The following SLC8A1 variants were observed in gnomAD, a reference collection of about 807,000 sequenced individuals.
The protein encoded by SLC8A1 is sodium/calcium exchanger 1.
A neutral mutation model predicts 68.3 loss-of-function variants in SLC8A1; 18 were observed. That is an observed-to-expected ratio of 0.26 (90% confidence interval 0.18 to 0.39). The LOEUF (loss-of-function observed/expected upper bound fraction) is 0.39, where lower values mean the gene tolerates loss of function less well. Ranked by LOEUF, SLC8A1 falls within the 10% of genes least tolerant of loss-of-function variation. SLC8A1 has a pLI of 1.00. For missense variants in SLC8A1, 985 were observed against 1,156.7 expected, an observed-to-expected ratio of 0.85 and a Z score of 2.15; for synonymous variants, 475 against 415.5, an observed-to-expected ratio of 1.14 and a Z score of -1.74.
At chr2:40,111,849 G>GATGTAATAC (rs1476004721) in exon 8 of SLC8A1, 3 of 152,146 alleles carry the variant, frequency 2.0e-5, no homozygotes, top group African/African-American at 7.2e-5. Context: ...CGACTGATTT[G>GATGTAATAC]ATGTAATACT....
intron 2 of SLC8A1, among the ~76,000 whole-genome samples, chr2:40,367,823 C>T (rs936626268): frequency 5.3e-5 from 8 of 152,058 alleles, no homozygotes; most frequent in South Asian, 2.1e-4. Flanking sequence ...TTCACAGCCA[C>T]GTAACACCAC....
At chr2:40,400,030 G>C (rs925870286) in intron 2 of SLC8A1, among the ~76,000 whole-genome samples, 5 of 152,108 alleles carry the variant, frequency 3.3e-5, no homozygotes, top group African/African-American at 1.2e-4. Context: ...GTTTTGTTCT[G>C]ATCTAATTAA....
intron 2 of SLC8A1, among the ~76,000 whole-genome samples, chr2:40,399,399 C>G (rs1260461955): frequency 6.6e-6 from 1 of 152,022 alleles, no homozygotes; most frequent in Non-Finnish European, 1.5e-5. Flanking sequence ...AAACAACACG[C>G]CAGGTAGATT....
intron 2 of SLC8A1, among the ~76,000 whole-genome samples, chr2:40,293,843 A>G (rs1011214406): frequency 1.3e-5 from 2 of 150,860 alleles, no homozygotes; most frequent in Non-Finnish European, 2.9e-5. Context: ...GTCATAAAAA[A>G]CAAAAAAAAT....
chr2:40,279,335 A>G (rs1192602010), intron 2 of SLC8A1, among the ~76,000 whole-genome samples: 1 of 152,250 alleles, frequency 6.6e-6, no homozygotes, highest in Non-Finnish European at 1.5e-5. Flanking sequence ...GCAATAATCT[A>G]TAATACAGAT....
At chr2:40,324,413 GC>G (rs1385099952) in intron 2 of SLC8A1, among the ~76,000 whole-genome samples, 3 of 152,116 alleles carry the variant, frequency 2.0e-5, no homozygotes, top group African/African-American at 7.2e-5. Flanking sequence ...AACCAACATG[GC>G]AAGATTATTT....
chr2:40,424,165 T>C (rs1375491981), intron 2 of SLC8A1, among the ~76,000 whole-genome samples: 1 of 151,930 alleles, frequency 6.6e-6, no homozygotes, highest in Non-Finnish European at 1.5e-5. Context: ...CTTTCTTGTC[T>C]TGTGATATTT....
chr2:40,130,224 C>T (rs977433133), intron 7 of SLC8A1, among the ~76,000 whole-genome samples: 12 of 152,230 alleles, frequency 7.9e-5, no homozygotes, highest in Admixed American at 3.9e-4. Flanking sequence ...CGGCTGCATG[C>T]GGCCTATTCC....
intron 1 of SLC8A1, among the ~76,000 whole-genome samples, chr2:40,491,948 C>T (rs1330008356): frequency 6.6e-5 from 10 of 152,078 alleles, no homozygotes; most frequent in African/African-American, 1.4e-4. Context: ...AATGCCATCC[C>T]CATCAAGCTA....
At chr2:40,112,697 A>C (rs1349396022) in exon 8 of SLC8A1, 11 of 152,496 alleles carry the variant, frequency 7.2e-5, no homozygotes, top group African/African-American at 2.4e-4. Flanking sequence ...ATGGGTTAGA[A>C]TGACAAAGAA....
chr2:40,204,588 C>T (rs1175398765), intron 2 of SLC8A1, among the ~76,000 whole-genome samples: 2 of 151,960 alleles, frequency 1.3e-5, no homozygotes, highest in South Asian at 2.1e-4. Flanking sequence ...ATGACTCTAT[C>T]CCTTTGGCGG....
chr2:40,337,937 G>C (rs577860980), intron 2 of SLC8A1, among the ~76,000 whole-genome samples: 1 of 152,112 alleles, frequency 6.6e-6, no homozygotes. Flanking sequence ...GTCATTTTGA[G>C]GTGTGAATAT....
At chr2:40,320,850 A>G (rs1370822953) in intron 2 of SLC8A1, among the ~76,000 whole-genome samples, 2 of 152,170 alleles carry the variant, frequency 1.3e-5, no homozygotes, top group Non-Finnish European at 2.9e-5. Context: ...CTTTCCTTGT[A>G]GCCTCAGAAC....
At chr2:40,438,448 A>G (rs1699869539) in intron 1 of SLC8A1, among the ~76,000 whole-genome samples, 1 of 152,162 alleles carries the variant, frequency 6.6e-6, no homozygotes, top group African/African-American at 2.4e-5. Flanking sequence ...TTATTCATCA[A>G]GCCTCTATGG....
intron 7 of SLC8A1, 58 bp from the exon 11 acceptor site, chr2:40,115,687 T>A: frequency 6.4e-7 from 1 of 1,555,326 alleles, no homozygotes; most frequent in African/African-American, 1.3e-5. Context: ...GTCTTTGGAG[T>A]GCTGCAAGCT....
At chr2:40,306,458 G>GC (rs1030327459) in intron 2 of SLC8A1, among the ~76,000 whole-genome samples, 2 of 147,302 alleles carry the variant, frequency 1.4e-5, no homozygotes, top group Admixed American at 1.3e-4. Flanking sequence ...GTTGTGGGGG[G>GC]GGGCATAGCG....
chr2:40,438,404 A>G (rs1420092730), intron 1 of SLC8A1, among the ~76,000 whole-genome samples: 1 of 152,108 alleles, frequency 6.6e-6, no homozygotes, highest in African/African-American at 2.4e-5. Context: ...AGCCCTTCCT[A>G]TGTTTCTAGT....
chr2:40,449,126 T>G (rs919301441), intron 1 of SLC8A1, among the ~76,000 whole-genome samples: 1 of 151,326 alleles, frequency 6.6e-6, no homozygotes, highest in East Asian at 1.9e-4. Context: ...AAGAAAGAAC[T>G]TGTCTCACTG....
At chr2:40,126,850 A>G (rs2038220242) in intron 7 of SLC8A1, among the ~76,000 whole-genome samples, 2 of 152,220 alleles carry the variant, frequency 1.3e-5, no homozygotes, top group South Asian at 4.1e-4. Flanking sequence ...GGGAGTAGAC[A>G]TATCATCTGT....
Sources: allele counts gnomAD v4.1 joint callset (sites outside exome capture counted in the v4.1 genomes callset), GRCh38; gene constraint gnomAD v4.1.1; transcripts MANE v1.5; gene names NCBI Gene and HGNC (gene_info 2026-07-23, HGNC 2026-07-21).